SUGCT: variants seen among roughly 807,000 people sequenced by gnomAD.
SUGCT encodes the protein succinyl-CoA:glutarate-CoA transferase.
Under a neutral mutation model 55.0 loss-of-function variants are expected in SUGCT, and 41 were observed. The ratio of observed to expected loss-of-function variants is 0.74; its 90% CI spans 0.58 to 0.97. The LOEUF (loss-of-function observed/expected upper bound fraction) is 0.97, where lower values mean the gene tolerates loss of function less well. Among genes scored for constraint, SUGCT ranks in the 50% least tolerant of loss-of-function variants. The probability of loss-of-function intolerance (pLI) is 0.00; values close to 1 mark genes in which losing one functional copy is unlikely to be tolerated. For missense variants in SUGCT, 568 were observed against 547.8 expected (o/e 1.04, Z -0.37); for synonymous variants, 187 against 200.4 (o/e 0.93, Z 0.56).
chr7:40,363,700 T>C (rs996456772), intron 9 of SUGCT, among the ~76,000 whole-genome samples: 2 of 152,202 alleles, frequency 1.3e-5, no homozygotes, highest in Non-Finnish European at 2.9e-5. Context: ...ATTTCTGTTC[T>C]TTTACATTTG....
intron 13 of SUGCT, among the ~76,000 whole-genome samples, chr7:40,782,108 C>G (rs1030424516): frequency 6.6e-6 from 1 of 151,816 alleles, no homozygotes; most frequent in African/African-American, 2.4e-5. Flanking sequence ...AAAATCTTTA[C>G]AGAACAATGG....
chr7:40,933,740 G>A, the SUGCT span, among the ~76,000 whole-genome samples: 2,129 of 152,174 alleles, frequency 0.014, 41 homozygotes, highest in African/African-American at 0.046. Flanking sequence ...ACTGAAGCTC[G>A]TGCATGCATC....
intron 8 of SUGCT, among the ~76,000 whole-genome samples, chr7:40,297,200 A>G (rs970834899): frequency 6.6e-6 from 1 of 152,006 alleles, no homozygotes; most frequent in Non-Finnish European, 1.5e-5. Flanking sequence ...TTCCTTAGCC[A>G]TGCATGTCCT....
At chr7:40,629,282 A>G (rs982337285) in intron 12 of SUGCT, among the ~76,000 whole-genome samples, 2 of 152,196 alleles carry the variant, frequency 1.3e-5, no homozygotes, top group Non-Finnish European at 2.9e-5. Flanking sequence ...AGATCTAAAT[A>G]ATTTAGCCAG....
At chr7:40,743,623 G>A (rs1787579236) in intron 12 of SUGCT, among the ~76,000 whole-genome samples, 1 of 152,140 alleles carries the variant, frequency 6.6e-6, no homozygotes, top group Non-Finnish European at 1.5e-5. Flanking sequence ...ACAATGCCTG[G>A]CACATTAGTA....
intron 6 of SUGCT, among the ~76,000 whole-genome samples, chr7:40,221,958 G>A (rs926250547): frequency 2.6e-5 from 4 of 152,202 alleles, no homozygotes; most frequent in Admixed American, 6.5e-5. Flanking sequence ...TATGATTCAC[G>A]CCTGAGATAT....
intron 9 of SUGCT, among the ~76,000 whole-genome samples, chr7:40,386,902 C>G (rs866695069): frequency 6.6e-6 from 1 of 152,174 alleles, no homozygotes; most frequent in South Asian, 2.1e-4. Flanking sequence ...AAGCTTGGGG[C>G]AATCTTTTTC....
At chr7:40,978,295 T>A in the SUGCT span, among the ~76,000 whole-genome samples, 9 of 152,330 alleles carry the variant, frequency 5.9e-5, no homozygotes, top group African/African-American at 1.9e-4. Context: ...TCAGCTCTGA[T>A]GGCAAGTCAG....
At chr7:40,622,330 A>G (rs1368679201) in intron 12 of SUGCT, among the ~76,000 whole-genome samples, 1 of 152,104 alleles carries the variant, frequency 6.6e-6, no homozygotes, top group Non-Finnish European at 1.5e-5. Context: ...CTGAAACTTG[A>G]TGATAAATTT....
chr7:40,553,093 A>C (rs1401885837), intron 12 of SUGCT, among the ~76,000 whole-genome samples: 1 of 152,228 alleles, frequency 6.6e-6, no homozygotes, highest in Non-Finnish European at 1.5e-5. Flanking sequence ...GTTTGTGGAA[A>C]TATTTGGGCA....
At chr7:40,847,228 T>C (rs1278964076) in intron 13 of SUGCT, among the ~76,000 whole-genome samples, 1 of 149,138 alleles carries the variant, frequency 6.7e-6, no homozygotes, top group Non-Finnish European at 1.5e-5. Context: ...AATAACAGTG[T>C]CTTAAAACAA....
intron 12 of SUGCT, among the ~76,000 whole-genome samples, chr7:40,552,082 C>T (rs1326340550): frequency 1.3e-5 from 2 of 152,106 alleles, no homozygotes; most frequent in African/African-American, 2.4e-5. Context: ...GTCACCATTC[C>T]CCACGTCACA....
chr7:40,290,311 G>T (rs1486188996), intron 8 of SUGCT, among the ~76,000 whole-genome samples: 9 of 152,048 alleles, frequency 5.9e-5, no homozygotes, highest in Admixed American at 3.9e-4. Context: ...AACAGAGATA[G>T]AGATCAATGG....
chr7:40,333,323 G>A (rs7455987), intron 9 of SUGCT, among the ~76,000 whole-genome samples: 1 of 151,808 alleles, frequency 6.6e-6, no homozygotes, highest in African/African-American at 2.4e-5. Flanking sequence ...GGAAACACAT[G>A]GTCAGTATGT....
At chr7:40,267,280 A>C (rs1244789775) in intron 7 of SUGCT, among the ~76,000 whole-genome samples, 1 of 152,294 alleles carries the variant, frequency 6.6e-6, no homozygotes, top group East Asian at 1.9e-4. Flanking sequence ...CTCTGACAAA[A>C]GGGTTACATT....
chr7:41,007,197 T>A, the SUGCT span, among the ~76,000 whole-genome samples: 4 of 152,186 alleles, frequency 2.6e-5, no homozygotes, highest in East Asian at 7.7e-4. Flanking sequence ...CAGATTTTGA[T>A]AGAAGAGTCA....
At chr7:40,583,520 T>C (rs895136908) in intron 12 of SUGCT, among the ~76,000 whole-genome samples, 2 of 152,200 alleles carry the variant, frequency 1.3e-5, no homozygotes, top group Admixed American at 1.3e-4. Context: ...ATTGAGTCAA[T>C]TATTTTACCT....
Position 40,266,841 on chromosome 7 carries a change from C to G in SUGCT, c.577-7672C>G, listed in dbSNP as rs148770823. ...ATCAACTTGGCCGATATGGTGAAAC[C>G]CCATCTCTACTAAAAATAAAAAAAT... On this transcript the variant is annotated intron_variant, in intron 7 of 13. Coordinates refer to ENST00000335693, the MANE Select transcript of SUGCT (RefSeq NM_001193313.2). Among the ~76,000 whole-genome samples, 731 of 151,756 alleles carry G rather than the reference C, an allele frequency of 4.8e-3. 6 individuals carry two copies. The highest frequency in any genetic ancestry group is 0.017 in the African/African-American group (695 of 41,404).
chr7:40,294,011 A>ATTGTG (rs1793958201), intron 8 of SUGCT, among the ~76,000 whole-genome samples: 1 of 151,802 alleles, frequency 6.6e-6, no homozygotes, highest in Non-Finnish European at 1.5e-5. Context: ...GCAGTGGCAC[A>ATTGTG]ATCTTGGTTC....
Sources: allele counts gnomAD v4.1 joint callset (sites outside exome capture counted in the v4.1 genomes callset), GRCh38; gene constraint gnomAD v4.1.1; transcripts MANE v1.5; gene names NCBI Gene and HGNC (gene_info 2026-07-23, HGNC 2026-07-21).